The following TREML2 variants were observed in gnomAD, a reference collection of about 807,000 sequenced individuals.
TREML2 encodes the protein trem-like transcript 2 protein.
In TREML2, 24 loss-of-function variants were observed where a neutral mutation model predicts 25.9. The observed-to-expected ratio is 0.93, with a 90% CI of 0.67 to 1.30. The LOEUF (loss-of-function observed/expected upper bound fraction) is 1.30, where lower values mean the gene tolerates loss of function less well. TREML2 is among the 50% of genes most tolerant of loss of function. TREML2 has a pLI of 0.00. For missense variants in TREML2, 359 were observed against 395.6 expected, an observed-to-expected ratio of 0.91 and a Z score of 0.78; for synonymous variants, 139 against 155.2, an observed-to-expected ratio of 0.90 and a Z score of 0.77.
chr6:41,197,912 G>A (rs577448326), intron 2 of TREML2, among the ~76,000 whole-genome samples, 197 bp downstream of exon 2: 1 of 152,320 alleles, frequency 6.6e-6, no homozygotes, highest in African/African-American at 2.4e-5. Context: ...GAGTCACACT[G>A]GGTTTTCAGG....
At chr6:41,197,164 T>C (rs182296891) in intron 2 of TREML2, among the ~76,000 whole-genome samples, 5 of 152,340 alleles carry the variant, frequency 3.3e-5, no homozygotes, top group Admixed American at 2.6e-4. Flanking sequence ...TACATTGTAC[T>C]CCAGGCCACT....
chr6:41,190,339 T>G lies in TREML2; in HGVS notation c.*2088A>C, dbSNP rs1420420571. The G allele has an allele frequency of 6.6e-6, 1 of 152,076 alleles. No individual in the cohort carries two copies. Among genetic ancestry groups the G allele is most frequent in the Non-Finnish European group, 1.5e-5 (1 of 68,028 alleles). 9.4% of individuals were successfully genotyped at this position (152,076 alleles called of 1,614,324 possible). On this transcript the variant is annotated 3_prime_UTR_variant, in exon 5 of 5. Coordinates refer to ENST00000483722, the MANE Select transcript of TREML2 (RefSeq NM_024807.4). The stretch of plus-strand genomic sequence containing the variant: ...GAGGACCTTACCAAAGGGACTGTCA[T>G]CGGGGGCCCTCAACATCCATATAGT...
At chr6:41,192,595 C>T in intron 4 of TREML2, 89 bp from the exon 5 acceptor site, 1 of 1,383,478 alleles carries the variant, frequency 7.2e-7, no homozygotes, top group Non-Finnish European at 1.0e-6. Flanking sequence ...CTTTCTGGCT[C>T]TGCCTCTGGT....
Position 41,201,103 on chromosome 6 carries a change from C to CG in TREML2, c.-96dup, listed in dbSNP as rs1561891909. On this transcript the variant is annotated 5_prime_UTR_variant, in exon 1 of 5. An upstream open reading frame in the 5' UTR loses its in-frame stop. Coordinates refer to ENST00000483722, the MANE Select transcript of TREML2 (RefSeq NM_024807.4). Reference sequence around the variant, plus strand: ...CACCTGGGCCTGCCAGGGAAGGACCCGGGGTTCTAAAAGTGAAGCTGCCCA... The same window carrying CG: ...CACCTGGGCCTGCCAGGGAAGGACCCGGGGGTTCTAAAAGTGAAGCTGCCCA... 6.8e-6 allele frequency: 10 copies of CG among 1,460,908 alleles called. No individual in the cohort carries two copies. The highest frequency in any genetic ancestry group is 8.6e-6 in the Non-Finnish European group (9 of 1,041,200). 90.5% of individuals were successfully genotyped at this position (1,460,908 alleles called of 1,614,324 possible).
rs1178501010 is a variant in TREML2, at chr6:41,192,366, C to T, written c.*61G>A. On this transcript the variant is annotated 3_prime_UTR_variant, in exon 5 of 5. Transcript: ENST00000483722. ...GATCGATACTGGCCCCAATCTTCAC[C>T]CCTCCTCTAACCCCCTGGGGCCACT... 7.4e-7 allele frequency: 1 copy of T among 1,347,354 alleles called. No individual in the cohort carries two copies. Among genetic ancestry groups the T allele is most frequent in the Non-Finnish European group, 1.1e-6 (1 of 944,816 alleles). The allele number at this position is 1,347,354 out of a possible 1,614,324, so 83.5% of individuals were successfully genotyped here.
chr6:41,197,101 AAGTCTGAAAAACATAGATTTG>A (rs1261405040), intron 2 of TREML2, among the ~76,000 whole-genome samples: 1 of 152,196 alleles, frequency 6.6e-6, no homozygotes, highest in Non-Finnish European at 1.5e-5. Context: ...GCTGAACAGA[AAGTCTGAAAAACATAGATTTG>A]AGCCCATTCA....
Position 41,192,382 on chromosome 6 carries a change from T to G in TREML2, c.*45A>C. ...AATCTTCACCCCTCCTCTAACCCCCTGGGGCCACTCTGGGAGAAGCTCCCC... is the reference window on the plus strand; with the variant it reads ...AATCTTCACCCCTCCTCTAACCCCCGGGGGCCACTCTGGGAGAAGCTCCCC... On this transcript the variant is annotated 3_prime_UTR_variant, in exon 5 of 5. Transcript: ENST00000483722. 7 of 1,529,460 alleles carry G rather than the reference T, an allele frequency of 4.6e-6. No individual in the cohort carries two copies. Among genetic ancestry groups the G allele is most frequent in the Non-Finnish European group, 6.3e-6 (7 of 1,105,852 alleles). The allele number at this position is 1,529,460 out of a possible 1,614,324, so 94.7% of individuals were successfully genotyped here.
chr6:41,192,706 C>A, intron 4 of TREML2, 95 bp downstream of exon 4: 2 of 1,279,052 alleles, frequency 1.6e-6, no homozygotes, highest in South Asian at 1.3e-5. Context: ...GGACACAGGC[C>A]AAGGGCCATA....
At chr6:41,197,963 C>A (rs6922561) in intron 2 of TREML2, 146 bp downstream of exon 2, 2 of 743,734 alleles carry the variant, frequency 2.7e-6, no homozygotes, top group Admixed American at 3.0e-5. Context: ...AATAGTGCCA[C>A]GAATAGTGCC....
chr6:41,192,826 C>G lies in TREML2; in HGVS notation c.861G>C (p.Gly287=). The change falls in exon 4 of 5, where the codon GGG becomes GGC. Residue 287 remains glycine (G), a synonymous_variant. Coordinates refer to ENST00000483722, the MANE Select transcript of TREML2 (RefSeq NM_024807.4). ...LLVLMLIMVY[G]FWKKRHMASY... is the part of the protein sequence containing the mutation. ...TTGCCATGTGTCTCTTCTTCCAAAA[C>G]CCATAGACCATGATCAGCATCAGCA... The G allele has an allele frequency of 6.2e-7, 1 of 1,612,796 alleles. No homozygotes were observed. Among genetic ancestry groups the G allele is most frequent in the Non-Finnish European group, 8.5e-7 (1 of 1,179,286 alleles).
At chr6:41,193,476 A>G (rs144814865) in intron 3 of TREML2, among the ~76,000 whole-genome samples, 1 of 152,072 alleles carries the variant, frequency 6.6e-6, no homozygotes, top group African/African-American at 2.4e-5. Flanking sequence ...TGTGTGTTTT[A>G]TGCTAGATCT....
Position 41,191,181 on chromosome 6 carries a change from G to T in TREML2, c.*1246C>A, listed in dbSNP as rs1364884946. Reference sequence around the variant, plus strand: ...GGTCAGTAGACACCTGTGTGTGTGTGTGTGTGTGTGTGTGTGTGTGTGTGT... The same window carrying T: ...GGTCAGTAGACACCTGTGTGTGTGTTTGTGTGTGTGTGTGTGTGTGTGTGT... On this transcript the variant is annotated 3_prime_UTR_variant, in exon 5 of 5. Coordinates refer to ENST00000483722, the MANE Select transcript of TREML2 (RefSeq NM_024807.4). The T allele has an allele frequency of 6.6e-6, 1 of 150,652 alleles. No homozygotes were observed. Among genetic ancestry groups the T allele is most frequent in the Non-Finnish European group, 1.5e-5 (1 of 68,486 alleles). 9.3% of individuals were successfully genotyped at this position (150,652 alleles called of 1,614,324 possible). A position where few individuals can be genotyped will look rare whatever the true frequency, so the allele number is the denominator to read the frequency against.
At chr6:41,195,885 C>T (rs888247448) in intron 2 of TREML2, among the ~76,000 whole-genome samples, 23 of 152,284 alleles carry the variant, frequency 1.5e-4, no homozygotes, top group African/African-American at 4.8e-4. Flanking sequence ...CTAAGAGGGC[C>T]AAGAAGAGGT....
chr6:41,196,797 T>C (rs1395465120), intron 2 of TREML2, among the ~76,000 whole-genome samples: 1 of 152,230 alleles, frequency 6.6e-6, no homozygotes, highest in Non-Finnish European at 1.5e-5. Flanking sequence ...TTTATAGAGA[T>C]ACTTTCAAAT....
rs1172424900 is a variant in TREML2 at position 41,194,415 on chromosome 6, C to T, written c.785+10G>A. 1 of 1,544,510 alleles carries T rather than the reference C, an allele frequency of 6.5e-7. No individual in the cohort carries two copies. The highest frequency in any genetic ancestry group is 1.4e-5 in the African/African-American group (1 of 73,064). On this transcript the variant is annotated intron_variant, in intron 3 of 4. Transcript: ENST00000483722. ...TGCTGGTGCCACTCAACCCCAGGCC[C>T]CACAGGTACCTGATGGAGGGCATGG...
At position 41,194,483 on chromosome 6, in the gene TREML2, C is replaced by T. The variant is rs372479731; in HGVS notation, c.727G>A (p.Gly243Arg). Residue 243 changes from glycine to arginine, a missense_variant, in exon 3 of 5, where the codon GGG becomes AGG. Coordinates refer to ENST00000483722, the MANE Select transcript of TREML2 (RefSeq NM_024807.4). The part of the protein sequence containing the change: ...GDLSTRSPTT[G>R]LCLTSRSLLN... ...AGAGATCTGCTGGTGAGGCAGAGCC[C>T]TGTGGTGGGCGATCTGGTGCTGAGG... 6.8e-6 allele frequency: 11 copies of T among 1,610,822 alleles called. No homozygotes were observed. The African/African-American group carries it at 1.5e-4, about 22-fold the overall frequency.
Position 41,192,510 on chromosome 6 carries a change from C to T in TREML2, c.887-4G>A. 2 of 1,613,578 alleles carry T rather than the reference C, an allele frequency of 1.2e-6. No individual in the cohort carries two copies. The highest frequency in any genetic ancestry group is 1.7e-6 in the Non-Finnish European group (2 of 1,179,772). On this transcript the variant is annotated splice_region_variant and splice_polypyrimidine_tract_variant and intron_variant, in intron 4 of 4. Transcript: ENST00000483722. Reference sequence around the variant, plus strand: ...GGATCGCTGCACATGCTGTAGCCTGCAAGAAACAGGGAGAGCTGAGGAAGT... The same window carrying T: ...GGATCGCTGCACATGCTGTAGCCTGTAAGAAACAGGGAGAGCTGAGGAAGT...
intron 2 of TREML2, among the ~76,000 whole-genome samples, chr6:41,196,413 T>G (rs1340013724): frequency 6.6e-6 from 1 of 152,150 alleles, no homozygotes; most frequent in African/African-American, 2.4e-5. Flanking sequence ...CTGGCTGCCT[T>G]TTCCGGGGTC....
chr6:41,194,644 C>T lies in TREML2; in HGVS notation c.566G>A (p.Gly189Asp), dbSNP rs556690771. The change falls in exon 3 of 5, where the codon GGC becomes GAC. Residue 189 changes from glycine (G) to aspartate (D), a missense_variant. Physicochemically the swap from Gly to Asp is moderately conservative, Grantham distance 94. Coordinates refer to ENST00000483722, the MANE Select transcript of TREML2 (RefSeq NM_024807.4). The part of the protein sequence containing the change: ...LASTRPASKT[G>D]YSFTATSTTS... ...GGTGCTGGTAGCAGTGAAGCTGTAG[C>T]CTGTCTTGGAGGCAGGTCTGGTGGA... 2 of 1,614,022 alleles carry T rather than the reference C, an allele frequency of 1.2e-6. No individual in the cohort carries two copies. Among genetic ancestry groups the T allele is most frequent in the East Asian group, 2.2e-5 (1 of 44,850 alleles).
Sources: gnomAD v4.1 joint callset for allele counts (sites outside exome capture counted in the v4.1 genomes callset) on GRCh38, gnomAD v4.1.1 for gene constraint, MANE v1.5 for transcripts, NCBI Gene and HGNC (gene_info 2026-07-23, HGNC 2026-07-21) for gene names.